UTRN: variants seen among roughly 807,000 people sequenced by gnomAD.
The protein encoded by UTRN is utrophin, also known as dystrophin-related protein 1.
Under a neutral mutation model 463.9 loss-of-function variants are expected in UTRN, and 283 were observed. The ratio of observed to expected loss-of-function variants is 0.61; its 90% CI spans 0.55 to 0.67. The LOEUF is 0.67. Ranked by LOEUF, UTRN falls within the 30% of genes least tolerant of loss-of-function variation. The probability of loss-of-function intolerance (pLI) is 0.00; values close to 1 mark genes in which losing one functional copy is unlikely to be tolerated. For synonymous variants in UTRN, 1,442 were observed against 1,431.5 expected, an observed-to-expected ratio of 1.01 and a Z score of -0.17; for missense variants, 3,922 against 4,084.3, an observed-to-expected ratio of 0.96 and a Z score of 1.08.
At chr6:144,716,609 A>G (rs943670969) in intron 53 of UTRN, among the ~76,000 whole-genome samples, 1 of 152,198 alleles carries the variant, frequency 6.6e-6, no homozygotes, top group Non-Finnish European at 1.5e-5. Context: ...TAAAAGTATA[A>G]TTTTTAATTA....
In UTRN at chr6:144,469,848, C is replaced by T. The variant is rs571522841; in HGVS notation, c.3067-3872C>T. 2.0e-5 allele frequency among the ~76,000 whole-genome samples: 3 copies of T among 151,872 alleles called. No individual in the cohort carries two copies. The East Asian group carries it at 5.8e-4, about 29-fold the overall frequency. Reference sequence around the variant, plus strand: ...GGTTTTCCTAGGCAGAGGGCCCTGCCGCCTTCCGCAGTGTTTGTGTCCCTG... The same window carrying T: ...GGTTTTCCTAGGCAGAGGGCCCTGCTGCCTTCCGCAGTGTTTGTGTCCCTG... On this transcript the variant is annotated intron_variant, in intron 23 of 74. Coordinates refer to ENST00000367545, the MANE Select transcript of UTRN (RefSeq NM_007124.3).
chr6:144,769,817 G>T (rs1427757698), intron 58 of UTRN, among the ~76,000 whole-genome samples: 1 of 152,106 alleles, frequency 6.6e-6, no homozygotes, highest in Non-Finnish European at 1.5e-5. Flanking sequence ...ACCCTAGTAG[G>T]TTCTCTCAGA....
At chr6:144,292,696 A>G (rs1463431906) in intron 2 of UTRN, among the ~76,000 whole-genome samples, 1 of 152,244 alleles carries the variant, frequency 6.6e-6, no homozygotes, top group Non-Finnish European at 1.5e-5. Context: ...CTTGAAAATT[A>G]CACAGAACTC....
intron 51 of UTRN, among the ~76,000 whole-genome samples, chr6:144,604,840 G>C (rs761835674): frequency 5.3e-5 from 8 of 152,030 alleles, no homozygotes; most frequent in Non-Finnish European, 1.2e-4. Flanking sequence ...ACTTGAACGC[G>C]GGAGGCAGAG....
rs374461062 is a variant in UTRN at position 144,344,882 on chromosome 6, A to T, written c.79+52975A>T. On this transcript the variant is annotated intron_variant, in intron 2 of 74. Coordinates refer to ENST00000367545, the MANE Select transcript of UTRN (RefSeq NM_007124.3). ...CATATGCATAACTTCATGCAGGGAA[A>T]GTGTCGTGCACTTTTCTCTCGCTGA... Among the ~76,000 whole-genome samples, 463 of 152,328 alleles carry T rather than the reference A, an allele frequency of 3.0e-3. 2 individuals carry two copies. Among genetic ancestry groups the T allele is most frequent in the African/African-American group, 0.01 (416 of 41,576 alleles).
At chr6:144,385,988 C>T (rs1386292058) in intron 2 of UTRN, among the ~76,000 whole-genome samples, 1 of 152,138 alleles carries the variant, frequency 6.6e-6, no homozygotes, top group Non-Finnish European at 1.5e-5. Context: ...GGATTATAGG[C>T]ATGAGCCACT....
chr6:144,631,214 A>AGT (rs1455323267), intron 51 of UTRN, among the ~76,000 whole-genome samples: 5 of 142,392 alleles, frequency 3.5e-5, no homozygotes, highest in African/African-American at 7.9e-5. Context: ...AGAGAGAGTG[A>AGT]GTGTGTGTGT....
At chr6:144,323,947 T>A (rs1171424390) in intron 2 of UTRN, among the ~76,000 whole-genome samples, 1 of 152,230 alleles carries the variant, frequency 6.6e-6, no homozygotes, top group Non-Finnish European at 1.5e-5. Flanking sequence ...TTCTTTCTGA[T>A]CTGCAAGGTG....
At chr6:144,614,529 G>A (rs1237571836) in intron 51 of UTRN, among the ~76,000 whole-genome samples, 2 of 152,118 alleles carry the variant, frequency 1.3e-5, no homozygotes, top group African/African-American at 4.8e-5. Flanking sequence ...TCTCAGATAT[G>A]TGATGGATTA....
At chr6:144,288,622 G>T (rs1019008601) in intron 1 of UTRN, among the ~76,000 whole-genome samples, 5 of 151,644 alleles carry the variant, frequency 3.3e-5, no homozygotes, top group Non-Finnish European at 7.4e-5. Context: ...TTGAATGAAA[G>T]AATGTAATCA....
At chr6:144,512,725 G>T (rs1795284205) in intron 35 of UTRN, among the ~76,000 whole-genome samples, 1 of 151,690 alleles carries the variant, frequency 6.6e-6, no homozygotes, top group Admixed American at 6.6e-5. Flanking sequence ...ATTTTTTGTA[G>T]AGAGGGGGTT....
chr6:144,489,968 C>T (rs915400863), intron 30 of UTRN, 103 bp from the exon 31 acceptor site: 32 of 1,465,154 alleles, frequency 2.2e-5, no homozygotes, highest in Middle Eastern at 2.0e-4. Context: ...ATGTAAAATA[C>T]GATATCATGT....
chr6:144,537,405 A>C lies in UTRN; in HGVS notation c.6234-177A>C, dbSNP rs549485795. On this transcript the variant is annotated intron_variant, in intron 43 of 74. Transcript: ENST00000367545. ...GAAAAAAGCTTCTTGGTCTATTATT[A>C]AGCAATCTTTATATTGTAGAATATA... 9.2e-5 allele frequency among the ~76,000 whole-genome samples: 14 copies of C among 152,052 alleles called. 1 individual carries two copies. In the East Asian group the frequency reaches 2.7e-3, roughly 29 times the overall value.
chr6:144,728,170 T>C (rs1258510515), intron 53 of UTRN, among the ~76,000 whole-genome samples: 3 of 151,880 alleles, frequency 2.0e-5, no homozygotes, highest in Non-Finnish European at 2.9e-5. Flanking sequence ...TTTGGAAATA[T>C]CTTGACCACT....
At chr6:144,313,362 A>G (rs1775064649) in intron 2 of UTRN, among the ~76,000 whole-genome samples, 2 of 152,042 alleles carry the variant, frequency 1.3e-5, no homozygotes, top group Non-Finnish European at 2.9e-5. Context: ...ACTGAAAAAA[A>G]AAAAAAGAAA....
chr6:144,622,276 A>G (rs1775499580), intron 51 of UTRN, among the ~76,000 whole-genome samples: 1 of 128,304 alleles, frequency 7.8e-6, no homozygotes, highest in South Asian at 2.6e-4. Context: ...TCCGCCTCCC[A>G]GGTTCATGCA....
At chr6:144,386,585 AT>A (rs1306038815) in intron 2 of UTRN, among the ~76,000 whole-genome samples, 82 of 152,310 alleles carry the variant, frequency 5.4e-4, no homozygotes, top group Admixed American at 4.5e-3. Context: ...TTAACTTCCA[AT>A]TTATACCCTT....
rs548782970 is a variant in UTRN, at chr6:144,523,502, G to T, written c.5906+314G>T. ...TTTTTGTATTTTTAGTAGAGATGGGGTTTCACCATGTTGGCCAGGCTGGTA... is the reference window on the plus strand; with the variant it reads ...TTTTTGTATTTTTAGTAGAGATGGGTTTTCACCATGTTGGCCAGGCTGGTA... On this transcript the variant is annotated intron_variant, in intron 41 of 74. Transcript: ENST00000367545. Among the ~76,000 whole-genome samples the T allele has an allele frequency of 4.6e-5, 7 of 152,226 alleles. No homozygotes were observed. In the East Asian group the frequency reaches 1.4e-3, roughly 29 times the overall value.
Position 144,381,648 on chromosome 6 carries a change from C to T in UTRN, c.80-21475C>T, listed in dbSNP as rs558782596. Among the ~76,000 whole-genome samples, 41 of 152,274 alleles carry T rather than the reference C, an allele frequency of 2.7e-4. 1 individual carries two copies. The highest frequency in any genetic ancestry group is 2.0e-4 in the Admixed American group (3 of 15,274). ...TTCTTGTGATAGTGAATAAGTCTCA[C>T]GAGAACTGATGGTTTTATAAAGAGG... On this transcript the variant is annotated intron_variant, in intron 2 of 74. Transcript: ENST00000367545.
Sources: gnomAD v4.1 joint callset for allele counts (sites outside exome capture counted in the v4.1 genomes callset) on GRCh38, gnomAD v4.1.1 for gene constraint, MANE v1.5 for transcripts, NCBI Gene and HGNC (gene_info 2026-07-23, HGNC 2026-07-21) for gene names.